The following FAT3 variants were observed in gnomAD, a reference collection of about 807,000 sequenced individuals.
FAT3 encodes protocadherin Fat 3.
A neutral mutation model predicts 310.2 loss-of-function variants in FAT3; 95 were observed. That is an observed-to-expected ratio of 0.31 (90% CI 0.26 to 0.36). FAT3 has a LOEUF of 0.36. Among genes scored for constraint, FAT3 ranks in the 10% least tolerant of loss-of-function variants. The pLI, the probability that FAT3 is intolerant of heterozygous loss-of-function variation, is 1.00. For synonymous variants in FAT3, 2,314 were observed against 2,192.9 expected, an observed-to-expected ratio of 1.06 and a Z score of -1.54; for missense variants, 5,408 against 5,715.6, an observed-to-expected ratio of 0.95 and a Z score of 1.74.
At chr11:92,389,759 T>C (rs968408123) in intron 2 of FAT3, among the ~76,000 whole-genome samples, 1 of 152,184 alleles carries the variant, frequency 6.6e-6, no homozygotes, top group Non-Finnish European at 1.5e-5. Flanking sequence ...TAATTGCCGA[T>C]GATCACATGA....
intron 10 of FAT3, among the ~76,000 whole-genome samples, chr11:92,802,405 C>A (rs1947387158): frequency 6.6e-6 from 1 of 152,132 alleles, no homozygotes; most frequent in African/African-American, 2.4e-5. Flanking sequence ...CTGAGAAATC[C>A]TAAATTATCA....
At chr11:92,764,741 C>A in intron 5 of FAT3, 138 bp from the exon 6 acceptor site, 1 of 760,074 alleles carries the variant, frequency 1.3e-6, no homozygotes, top group Non-Finnish European at 2.1e-6. Context: ...CTTTACTCCC[C>A]AGACCTCTGC....
intron 3 of FAT3, among the ~76,000 whole-genome samples, chr11:92,543,592 G>A (rs922235375): frequency 5.3e-5 from 8 of 152,122 alleles, no homozygotes; most frequent in African/African-American, 1.7e-4. Context: ...TAAAACTAGG[G>A]CTAGATGTCT....
intron 3 of FAT3, among the ~76,000 whole-genome samples, chr11:92,688,451 G>A (rs1057204891): frequency 1.3e-5 from 2 of 152,062 alleles, no homozygotes; most frequent in South Asian, 2.1e-4. Context: ...CCATCATCCA[G>A]AAGATAACAA....
At chr11:92,837,221 A>T (rs971612199) in intron 16 of FAT3, among the ~76,000 whole-genome samples, 2 of 152,244 alleles carry the variant, frequency 1.3e-5, no homozygotes, top group Non-Finnish European at 2.9e-5. Context: ...TAAAAAGCAG[A>T]TAGACTCTAC....
Position 92,801,084 on chromosome 11 carries a change from C to T in FAT3, c.8071C>T (p.Leu2691Phe). 2 of 1,613,948 alleles carry T rather than the reference C, an allele frequency of 1.2e-6. No individual in the cohort carries two copies. The highest frequency in any genetic ancestry group is 2.2e-5 in the East Asian group (1 of 44,854). Residue 2691 changes from leucine to phenylalanine, a missense_variant, in exon 10 of 28, where the codon CTC becomes TTC. Leu to Phe is a conservative substitution (Grantham distance 22, BLOSUM62 0). This residue lies in a region of FAT3 where 4,588 missense variants were observed against 4,809.8 expected (regional missense o/e 0.95). Coordinates refer to ENST00000525166, the MANE Select transcript of FAT3 (RefSeq NM_001367949.2). ...TGGGGGCATCCCAGTAAAGCACTCC[C>T]TCATTCCTGTCTATATCCACGTCTT... ...VDGGIPVKHS[L>F]IPVYIHVLPP...
intron 13 of FAT3, among the ~76,000 whole-genome samples, chr11:92,822,646 T>C (rs1947998363): frequency 6.6e-6 from 1 of 152,176 alleles, no homozygotes; most frequent in African/African-American, 2.4e-5. Context: ...ACAAAACACT[T>C]TCCACCCACG....
At chr11:92,697,290 C>A in intron 3 of FAT3, 94 bp from the exon 4 acceptor site, 1 of 1,054,666 alleles carries the variant, frequency 9.5e-7, no homozygotes, top group Non-Finnish European at 1.4e-6. Context: ...TTCCATACCA[C>A]TTTTGCTTTT....
chr11:92,349,354 G>A (rs1397157804), intron 1 of FAT3, among the ~76,000 whole-genome samples: 1 of 152,072 alleles, frequency 6.6e-6, no homozygotes, highest in African/African-American at 2.4e-5. Context: ...GGAGCCTTTT[G>A]AGATGATGAA....
At chr11:92,513,028 A>T (rs1484225214) in intron 2 of FAT3, among the ~76,000 whole-genome samples, 1 of 65,046 alleles carries the variant, frequency 1.5e-5, no homozygotes, top group East Asian at 4.7e-4. Context: ...AGGCTGAGGC[A>T]GGAGAATGGC....
chr11:92,306,049 A>G (rs1391443961), intron 1 of FAT3, among the ~76,000 whole-genome samples: 1 of 152,050 alleles, frequency 6.6e-6, no homozygotes, highest in Non-Finnish European at 1.5e-5. Flanking sequence ...TTCAACTTTC[A>G]GTTTTTTTTG....
chr11:92,810,745 T>TCA (rs1947647724), intron 13 of FAT3, among the ~76,000 whole-genome samples: 2 of 152,144 alleles, frequency 1.3e-5, no homozygotes, highest in South Asian at 4.1e-4. Context: ...TAGAAAAGAC[T>TCA]GGAGTTAATT....
intron 3 of FAT3, among the ~76,000 whole-genome samples, chr11:92,565,067 T>A (rs201982260): frequency 0.017 from 2,445 of 139,828 alleles, 41 homozygotes; most frequent in East Asian, 0.082. Flanking sequence ...AGAGACACAA[T>A]AAACCCTTCA....
Position 92,530,344 on chromosome 11 carries a change from A to G in FAT3, c.3607+5396A>G, listed in dbSNP as rs144272726. On this transcript the variant is annotated intron_variant, in intron 3 of 27. Transcript: ENST00000525166. ...CTGAGAGCCTGATTAGCAAGGTTCT[A>G]TATGAAACAAATGAGGGAGGTAACA... Among the ~76,000 whole-genome samples the G allele has an allele frequency of 1.7e-3, 259 of 152,188 alleles. 1 individual carries two copies. Among genetic ancestry groups the G allele is most frequent in the African/African-American group, 6.0e-3 (249 of 41,542 alleles).
At chr11:92,858,618 T>C (rs114412713) in intron 20 of FAT3, among the ~76,000 whole-genome samples, 1,672 of 152,318 alleles carry the variant, frequency 0.011, 31 homozygotes, top group African/African-American at 0.037. Flanking sequence ...TCGAAATTAA[T>C]GGCCAGAAAG....
intron 4 of FAT3, among the ~76,000 whole-genome samples, chr11:92,711,571 G>T (rs1398605362): frequency 6.6e-6 from 1 of 152,120 alleles, no homozygotes; most frequent in Non-Finnish European, 1.5e-5. Flanking sequence ...TCCAATACTT[G>T]ATCAGCTTGC....
At chr11:92,880,385 G>A (rs1949645844) in intron 22 of FAT3, among the ~76,000 whole-genome samples, 1 of 150,722 alleles carries the variant, frequency 6.6e-6, no homozygotes, top group South Asian at 2.2e-4. Context: ...CTCCTGTCTG[G>A]AGGCATCTGC....
intron 2 of FAT3, among the ~76,000 whole-genome samples, chr11:92,447,805 CA>C (rs1463514455): frequency 6.6e-6 from 1 of 152,068 alleles, no homozygotes; most frequent in Non-Finnish European, 1.5e-5. Flanking sequence ...TTCTTTTATC[CA>C]AGGCTAATCT....
chr11:92,881,230 G>T (rs1949664301), intron 23 of FAT3, among the ~76,000 whole-genome samples: 1 of 152,126 alleles, frequency 6.6e-6, no homozygotes, highest in Admixed American at 6.5e-5. Flanking sequence ...CATTTCCGCA[G>T]AATCCATTAA....
Sources: allele counts gnomAD v4.1 joint callset (sites outside exome capture counted in the v4.1 genomes callset), GRCh38; gene constraint gnomAD v4.1.1; regional missense constraint gnomAD v4.1.1; transcripts MANE v1.5; gene names NCBI Gene and HGNC (gene_info 2026-07-23, HGNC 2026-07-21).